The following EIF4G3 variants were observed in gnomAD, a reference collection of about 807,000 sequenced individuals.
The protein encoded by EIF4G3 is eukaryotic translation initiation factor 4 gamma 3, also known as eIF-4-gamma 3.
EIF4G3 carries 34 observed loss-of-function variants against 186.4 expected under a neutral mutation model. The observed-to-expected ratio is 0.18, with a 90% CI of 0.14 to 0.24. EIF4G3 has a LOEUF of 0.24. Ranked by LOEUF, EIF4G3 falls within the 10% of genes least tolerant of loss-of-function variation. The probability of loss-of-function intolerance (pLI) is 1.00; values close to 1 mark genes in which losing one functional copy is unlikely to be tolerated. For missense variants in EIF4G3, 1,536 were observed against 1,948.5 expected (o/e 0.79, Z 3.99); for synonymous variants, 673 against 679.5 (o/e 0.99, Z 0.15).
At chr1:20,980,889 T>C (rs566276460) in intron 9 of EIF4G3, among the ~76,000 whole-genome samples, 159 bp downstream of exon 9, 15 of 152,218 alleles carry the variant, frequency 9.9e-5, no homozygotes. Context: ...TCACACAGCA[T>C]AATGAAAAAT....
intron 18 of EIF4G3, among the ~76,000 whole-genome samples, chr1:20,890,228 C>T (rs2085569521): frequency 6.6e-6 from 1 of 152,098 alleles, no homozygotes; most frequent in African/African-American, 2.4e-5. Flanking sequence ...CCACCTCAGC[C>T]TCCCAAAGTG....
rs2098121503 is a variant in EIF4G3 at position 21,176,892 on chromosome 1, A to C, written c.-626T>G. On this transcript the variant is annotated 5_prime_UTR_variant, in exon 1 of 37. Coordinates refer to ENST00000602326, the MANE Select transcript of EIF4G3 (RefSeq NM_001391906.1). ...TGGCCGCCTCCAGCAGTCCGGCAGGACGGCTGCTCGGAAAACTTCGGACTT... is the reference window on the plus strand; with the variant it reads ...TGGCCGCCTCCAGCAGTCCGGCAGGCCGGCTGCTCGGAAAACTTCGGACTT... 5.8e-6 allele frequency: 4 copies of C among 690,026 alleles called. No individual in the cohort carries two copies. The South Asian group carries it at 5.9e-5, about 10-fold the overall frequency. The allele number at this position is 690,026 out of a possible 1,614,324, so 42.7% of individuals were successfully genotyped here.
intron 2 of EIF4G3, among the ~76,000 whole-genome samples, chr1:21,097,677 G>A (rs1311577681): frequency 2.6e-5 from 4 of 152,142 alleles, no homozygotes; most frequent in Admixed American, 2.6e-4. Context: ...GTAGTGAATC[G>A]ATTTTTCACA....
intron 2 of EIF4G3, among the ~76,000 whole-genome samples, chr1:21,115,302 G>A (rs2102262569): frequency 6.6e-6 from 1 of 152,236 alleles, no homozygotes; most frequent in South Asian, 2.1e-4. Flanking sequence ...AAAGAGCAAG[G>A]TCCATGGGGA....
intron 2 of EIF4G3, among the ~76,000 whole-genome samples, chr1:21,151,904 C>A (rs2097557707): frequency 6.6e-6 from 1 of 152,114 alleles, no homozygotes; most frequent in Admixed American, 6.6e-5. Context: ...CATCCTAATC[C>A]CTGTCTCACT....
intron 14 of EIF4G3, among the ~76,000 whole-genome samples, chr1:20,910,915 T>C (rs1309118815): frequency 6.6e-6 from 1 of 152,244 alleles, no homozygotes; most frequent in African/African-American, 2.4e-5. Context: ...GCAGGCTACA[T>C]ACTTGAACAA....
intron 2 of EIF4G3, among the ~76,000 whole-genome samples, chr1:21,171,245 C>T (rs1276695847): frequency 6.6e-6 from 1 of 152,150 alleles, no homozygotes; most frequent in Non-Finnish European, 1.5e-5. Context: ...AGTTACTTTC[C>T]TATTATATTA....
At chr1:20,868,091 T>TTTTTTTTC (rs1491373734) in intron 20 of EIF4G3, among the ~76,000 whole-genome samples, 184 of 18,390 alleles carry the variant, frequency 0.01, 8 homozygotes, top group East Asian at 0.094. Context: ...GGTGATTTTC[T>TTTTTTTTC]TTTTTTTTTT....
chr1:20,947,769 C>A (rs1043956693), intron 13 of EIF4G3, among the ~76,000 whole-genome samples: 12 of 152,112 alleles, frequency 7.9e-5, no homozygotes, highest in Non-Finnish European at 1.5e-4. Flanking sequence ...ATCAAGGTAA[C>A]CTGAATACTT....
intron 18 of EIF4G3, among the ~76,000 whole-genome samples, chr1:20,888,095 A>G (rs1177806122): frequency 6.6e-6 from 1 of 152,180 alleles, no homozygotes; most frequent in Admixed American, 6.5e-5. Flanking sequence ...AAAGTCAGAA[A>G]ATGCCCATTA....
intron 14 of EIF4G3, among the ~76,000 whole-genome samples, chr1:20,932,574 A>C (rs2095360634): frequency 6.6e-6 from 1 of 152,138 alleles, no homozygotes; most frequent in Admixed American, 6.5e-5. Flanking sequence ...TTAATACCCT[A>C]ATTTCAATAT....
At chr1:21,145,249 A>G (rs1345167702) in intron 2 of EIF4G3, among the ~76,000 whole-genome samples, 2 of 152,178 alleles carry the variant, frequency 1.3e-5, no homozygotes, top group African/African-American at 4.8e-5. Flanking sequence ...ACCAAGTTCC[A>G]AAATGTTACA....
At chr1:21,162,268 T>C (rs1325035857) in intron 2 of EIF4G3, among the ~76,000 whole-genome samples, 4 of 151,950 alleles carry the variant, frequency 2.6e-5, no homozygotes, top group African/African-American at 7.3e-5. Context: ...CCGGCCAACA[T>C]GGAGAAACCC....
chr1:20,862,472 G>T, intron 22 of EIF4G3, 140 bp from the exon 23 acceptor site: 1 of 555,750 alleles, frequency 1.8e-6, no homozygotes, highest in Non-Finnish European at 3.1e-6. Context: ...CTGGAGTGCA[G>T]TAGCACAATC....
At chr1:20,929,737 GAAAC>G (rs1558288024) in intron 14 of EIF4G3, 1 of 152,060 alleles carries the variant, frequency 6.6e-6, no homozygotes, top group Non-Finnish European at 1.5e-5. Flanking sequence ...TTCTAGATGA[GAAAC>G]AGACTCAAAG....
At chr1:20,981,762 A>T (rs10916916) in intron 8 of EIF4G3, among the ~76,000 whole-genome samples, 1 of 118,840 alleles carries the variant, frequency 8.4e-6, no homozygotes, top group Non-Finnish European at 1.8e-5. Flanking sequence ...ATATGTATAC[A>T]CACATACTGT....
intron 2 of EIF4G3, among the ~76,000 whole-genome samples, chr1:21,146,630 AC>A (rs2097447759): frequency 1.3e-5 from 2 of 152,050 alleles, no homozygotes; most frequent in African/African-American, 4.8e-5. Context: ...GGTGGTGGCC[AC>A]CTGTAATCCC....
In EIF4G3 at chr1:21,141,134, A is replaced by G. The variant is rs2097329916; in HGVS notation, c.-272+35041T>C. On this transcript the variant is annotated intron_variant, in intron 2 of 36. Coordinates refer to ENST00000602326, the MANE Select transcript of EIF4G3 (RefSeq NM_001391906.1). ...AATCCTAGGAACAATTATAATTCCC[A>G]TATTTCAAAATAGAAAACCCCAGTG... is the stretch of plus-strand genomic sequence containing the variant. 2.6e-5 allele frequency among the ~76,000 whole-genome samples: 4 copies of G among 152,304 alleles called. No individual in the cohort carries two copies. The South Asian group carries it at 8.3e-4, about 32-fold the overall frequency.
At position 21,140,451 on chromosome 1, in the gene EIF4G3, C is replaced by CT. The variant is rs1225379358; in HGVS notation, c.-272+35723dup. 2.4e-4 allele frequency among the ~76,000 whole-genome samples: 36 copies of CT among 152,206 alleles called. 1 individual carries two copies. Among genetic ancestry groups the CT allele is most frequent in the Admixed American group, 2.3e-3 (35 of 15,270 alleles). Reference sequence around the variant, plus strand: ...GCCTCAGCCCCCTAAATAGCTGGGACTACAGGAATGCACCACCATGCATGG... The same window carrying CT: ...GCCTCAGCCCCCTAAATAGCTGGGACTTACAGGAATGCACCACCATGCATGG... On this transcript the variant is annotated intron_variant, in intron 2 of 36. Coordinates refer to ENST00000602326, the MANE Select transcript of EIF4G3 (RefSeq NM_001391906.1).
Sources: allele counts gnomAD v4.1 joint callset (sites outside exome capture counted in the v4.1 genomes callset), GRCh38; gene constraint gnomAD v4.1.1; transcripts MANE v1.5; gene names NCBI Gene and HGNC (gene_info 2026-07-23, HGNC 2026-07-21).